ZNF609: variants seen among roughly 807,000 people sequenced by gnomAD.
ZNF609 encodes zinc finger protein 609.
Under a neutral mutation model 109.5 loss-of-function variants are expected in ZNF609, and 11 were observed. The observed-to-expected ratio is 0.10, with a 90% CI of 0.06 to 0.17. The LOEUF is 0.17. ZNF609 is among the 10% of genes least tolerant of loss of function. The pLI is 1.00. For synonymous variants in ZNF609, 646 were observed against 662.0 expected, an observed-to-expected ratio of 0.98 and a Z score of 0.37; for missense variants, 1,559 against 1,772.4, an observed-to-expected ratio of 0.88 and a Z score of 2.16.
At chr15:64,661,208 C>T (rs1461196564) in intron 3 of ZNF609, among the ~76,000 whole-genome samples, 3 of 152,148 alleles carry the variant, frequency 2.0e-5, no homozygotes, top group Non-Finnish European at 1.5e-5. Flanking sequence ...GCAGTCCTCC[C>T]GCCTTGGCCT....
Position 64,678,298 on chromosome 15 carries a change from G to A in ZNF609, c.3585G>A (p.Thr1195=), listed in dbSNP as rs1325783708. The A allele has an allele frequency of 8.7e-6, 14 of 1,614,046 alleles. No individual in the cohort carries two copies. Among genetic ancestry groups the A allele is most frequent in the Middle Eastern group, 1.6e-4 (1 of 6,084 alleles). The change falls in exon 6 of 10, where the codon ACG becomes ACA. Residue 1195 remains threonine (T), a synonymous_variant. Coordinates refer to ENST00000326648, the MANE Select transcript of ZNF609 (RefSeq NM_015042.2). The stretch of plus-strand genomic sequence containing the variant: ...CAAGTAGTGACTGCAAGCTGCCCAC[G>A]TCAGAGGAGTCTCGCCTTGGGAGCA... ...ESTSSDCKLP[T]SEESRLGSKE... is the part of the protein sequence containing the mutation.
chr15:64,603,536 T>G (rs946274900), intron 2 of ZNF609, among the ~76,000 whole-genome samples: 1 of 151,274 alleles, frequency 6.6e-6, no homozygotes, highest in South Asian at 2.1e-4. Context: ...CCCAAAGTAC[T>G]GGGATTACAG....
chr15:64,646,330 G>GA (rs1210617382), intron 3 of ZNF609, among the ~76,000 whole-genome samples: 7 of 151,788 alleles, frequency 4.6e-5, no homozygotes, highest in Admixed American at 3.9e-4. Context: ...TGCATCTCTA[G>GA]AAAAAAATAC....
At chr15:64,666,331 T>C (rs1389510190) in intron 3 of ZNF609, among the ~76,000 whole-genome samples, 1 of 151,344 alleles carries the variant, frequency 6.6e-6, no homozygotes, top group Non-Finnish European at 1.5e-5. Context: ...GAGGCGGAGG[T>C]TGCAGTGAGC....
chr15:64,668,922 A>G (rs1176935638), intron 3 of ZNF609, among the ~76,000 whole-genome samples: 1 of 143,460 alleles, frequency 7.0e-6, no homozygotes, highest in African/African-American at 2.6e-5. Flanking sequence ...ATTGCACTCC[A>G]GCCTGGGCAA....
At chr15:64,618,643 G>A (rs1895835208) in intron 2 of ZNF609, among the ~76,000 whole-genome samples, 1 of 152,164 alleles carries the variant, frequency 6.6e-6, no homozygotes, top group Non-Finnish European at 1.5e-5. Flanking sequence ...TTCCCCTGGA[G>A]TTCAGCTACT....
intron 2 of ZNF609, among the ~76,000 whole-genome samples, chr15:64,552,141 A>T (rs986933526): frequency 2.6e-5 from 4 of 152,082 alleles, no homozygotes; most frequent in African/African-American, 9.7e-5. Context: ...TCTTTTCATT[A>T]TCAGTGATAA....
rs200734775 is a variant in ZNF609 at position 64,670,383 on chromosome 15, A to G, written c.1011A>G (p.Thr337=). 2.2e-5 allele frequency: 35 copies of G among 1,614,054 alleles called. No homozygotes were observed. The highest frequency in any genetic ancestry group is 4.4e-5 in the South Asian group (4 of 91,094). ...TAAATGTAACGTGGAGGAACAAGACATATGTAGGTACACTCCTTGACTGCA... is the reference window on the plus strand; with the variant it reads ...TAAATGTAACGTGGAGGAACAAGACGTATGTAGGTACACTCCTTGACTGCA... ...LVVNVTWRNK[T]YVGTLLDCTR... is the part of the protein sequence containing the mutation. The change falls in exon 4 of 10, where the codon ACA becomes ACG. Residue 337 remains threonine, a synonymous_variant. Transcript: ENST00000326648.
At chr15:64,673,741 C>T (rs571482663) in intron 4 of ZNF609, among the ~76,000 whole-genome samples, 175 bp from the exon 5 acceptor site, 3 of 152,310 alleles carry the variant, frequency 2.0e-5, no homozygotes, top group African/African-American at 4.8e-5. Flanking sequence ...TTGCAGCTAA[C>T]GTGTATCCCA....
chr15:64,560,344 C>T (rs1368433908), intron 2 of ZNF609, among the ~76,000 whole-genome samples: 1 of 151,126 alleles, frequency 6.6e-6, no homozygotes, highest in East Asian at 1.9e-4. Flanking sequence ...CCACACCCAG[C>T]GTCTCTCTGG....
chr15:64,675,602 G>A lies in ZNF609; in HGVS notation c.2748G>A (p.Gln916=), dbSNP rs765462144. The A allele has an allele frequency of 2.5e-6, 4 of 1,614,138 alleles. No individual in the cohort carries two copies. In the South Asian group the frequency reaches 4.4e-5, roughly 18 times the overall value. ...CTGGGGCTCTGAACCCCAGCAGCCA[G>A]GCAGGAGTGGAGAGCCAGGCCCTGA... is the stretch of plus-strand genomic sequence containing the variant. ...SSPGALNPSS[Q]AGVESQALKT... is the part of the protein sequence containing the mutation. Residue 916 remains glutamine, a synonymous_variant, in exon 5 of 10, where the codon CAG becomes CAA. Coordinates refer to ENST00000326648, the MANE Select transcript of ZNF609 (RefSeq NM_015042.2).
At chr15:64,677,081 G>A (rs1896819975) in intron 5 of ZNF609, among the ~76,000 whole-genome samples, 1 of 150,150 alleles carries the variant, frequency 6.7e-6, no homozygotes, top group Non-Finnish European at 1.5e-5. Context: ...TGTTTTTATA[G>A]AGACCAGAGT....
intron 2 of ZNF609, among the ~76,000 whole-genome samples, chr15:64,573,709 T>C (rs1404049241): frequency 1.3e-5 from 2 of 152,162 alleles, no homozygotes; most frequent in African/African-American, 4.8e-5. Flanking sequence ...ATCCATCTCC[T>C]GCCTATTTCA....
At chr15:64,490,777 GACAA>G (rs1369923726) in intron 1 of ZNF609, among the ~76,000 whole-genome samples, 3 of 152,200 alleles carry the variant, frequency 2.0e-5, no homozygotes, top group Non-Finnish European at 4.4e-5. Context: ...GAGCAGTAGT[GACAA>G]ACAACAAGGA....
At chr15:64,493,379 A>G (rs1448201586) in intron 1 of ZNF609, among the ~76,000 whole-genome samples, 2 of 152,162 alleles carry the variant, frequency 1.3e-5, no homozygotes, top group Non-Finnish European at 1.5e-5. Context: ...AGTCCTTAAA[A>G]TTGCAATTAA....
intron 2 of ZNF609, among the ~76,000 whole-genome samples, chr15:64,540,885 G>A (rs1947442016): frequency 6.7e-6 from 1 of 149,468 alleles, no homozygotes; most frequent in African/African-American, 2.5e-5. Context: ...AAAATTAGCT[G>A]GGCATGGTGG....
At chr15:64,576,016 G>C (rs1209789866) in intron 2 of ZNF609, among the ~76,000 whole-genome samples, 2 of 151,846 alleles carry the variant, frequency 1.3e-5, no homozygotes, top group Non-Finnish European at 2.9e-5. Flanking sequence ...GCAGGAGAAT[G>C]GCACGAACCT....
intron 3 of ZNF609, 66 bp from the exon 4 acceptor site, chr15:64,670,265 CAGAGTGCTGATCAAA>C (rs1336965954): frequency 2.6e-6 from 3 of 1,153,638 alleles, no homozygotes; most frequent in African/African-American, 3.0e-5. Context: ...TTATAGAAGT[CAGAGTGCTGATCAAA>C]AGAATACTAT....
chr15:64,608,279 CT>C (rs1487138043), intron 2 of ZNF609, among the ~76,000 whole-genome samples: 1 of 151,996 alleles, frequency 6.6e-6, no homozygotes. Context: ...GGGTTCTTAA[CT>C]TTTTTAAAAT....
Sources: gnomAD v4.1 joint callset for allele counts (sites outside exome capture counted in the v4.1 genomes callset) on GRCh38, gnomAD v4.1.1 for gene constraint, MANE v1.5 for transcripts, NCBI Gene and HGNC (gene_info 2026-07-23, HGNC 2026-07-21) for gene names.